The following ATP10B variants were observed in gnomAD, a reference collection of about 807,000 sequenced individuals.
ATP10B encodes the protein phospholipid-transporting ATPase VB.
Under a neutral mutation model 141.2 loss-of-function variants are expected in ATP10B, and 122 were observed. The observed-to-expected ratio is 0.86, with a 90% CI of 0.75 to 1.00. ATP10B has a LOEUF of 1.00. Ranked by LOEUF, ATP10B falls within the 50% of genes least tolerant of loss-of-function variation. The probability of loss-of-function intolerance (pLI) is 0.00; values close to 1 mark genes in which losing one functional copy is unlikely to be tolerated. For missense variants in ATP10B, 1,876 were observed against 1,825.3 expected (o/e 1.03, Z -0.51); for synonymous variants, 685 against 692.0 (o/e 0.99, Z 0.16).
At chr5:160,685,449 C>CA in intron 6 of ATP10B, 1 of 381,748 alleles carries the variant, frequency 2.6e-6, no homozygotes, top group Non-Finnish European at 4.6e-6. Flanking sequence ...GGAATGTAGA[C>CA]GTCACCTACA....
At chr5:160,706,727 T>C (rs73798524) in intron 3 of ATP10B, among the ~76,000 whole-genome samples, 2,644 of 152,304 alleles carry the variant, frequency 0.017, 77 homozygotes, top group African/African-American at 0.06. Flanking sequence ...CCAAGATACA[T>C]TGGTCAAAAA....
intron 2 of ATP10B, among the ~76,000 whole-genome samples, chr5:160,763,662 C>G (rs2127843658): frequency 6.6e-6 from 1 of 151,998 alleles, no homozygotes; most frequent in East Asian, 1.9e-4. Flanking sequence ...ACCAGAGAAA[C>G]AAGAACAAAC....
At chr5:160,638,038 A>T (rs1759547271) in intron 10 of ATP10B, among the ~76,000 whole-genome samples, 1 of 152,204 alleles carries the variant, frequency 6.6e-6, no homozygotes, top group African/African-American at 2.4e-5. Context: ...CACGTGTTGG[A>T]TGGTCAGGAG....
chr5:160,809,988 C>A (rs542494003), intron 1 of ATP10B, among the ~76,000 whole-genome samples: 3 of 151,988 alleles, frequency 2.0e-5, no homozygotes, highest in Non-Finnish European at 2.9e-5. Context: ...GGTCAGGTAA[C>A]CTAAAGCTTT....
intron 6 of ATP10B, among the ~76,000 whole-genome samples, chr5:160,671,969 CTTTTTTTT>C (rs70990741): frequency 8.8e-5 from 6 of 68,388 alleles, no homozygotes; most frequent in East Asian, 9.6e-4. Flanking sequence ...GCAATGCATC[CTTTTTTTT>C]TTTTTTTTTT....
rs116413543 is a variant in ATP10B, at chr5:160,812,338, C to G, written c.-575-26535G>C. On this transcript the variant is annotated intron_variant, in intron 1 of 25. Transcript: ENST00000327245. ...TTGTGAAGCTATAATAAATACTTAA[C>G]TATTTAATTAAGAGACAGATGAAGA... 7.0e-3 allele frequency among the ~76,000 whole-genome samples: 1,067 copies of G among 152,198 alleles called. 18 individuals carry two copies. Among genetic ancestry groups the G allele is most frequent in the African/African-American group, 0.024 (1,006 of 41,510 alleles).
At chr5:160,687,144 C>T (rs1763804700) in intron 5 of ATP10B, 1 of 156,814 alleles carries the variant, frequency 6.4e-6, no homozygotes, top group African/African-American at 2.4e-5. Flanking sequence ...TTATTATTCA[C>T]TATAATAGCA....
chr5:160,878,197 G>A, the ATP10B span, among the ~76,000 whole-genome samples: 10 of 150,504 alleles, frequency 6.6e-5, no homozygotes, highest in Admixed American at 1.3e-4. Context: ...ATAGATCAAT[G>A]GAACAGAACA....
intron 1 of ATP10B, among the ~76,000 whole-genome samples, chr5:160,849,450 C>T (rs1459510552): frequency 8.5e-5 from 13 of 152,096 alleles, no homozygotes; most frequent in Non-Finnish European, 1.2e-4. Flanking sequence ...TCACTAATAA[C>T]GAAAGCAGAA....
In ATP10B at chr5:160,632,294, G is replaced by C. The variant is rs779180861; in HGVS notation, c.1455C>G (p.Phe485Leu). 3 of 1,614,194 alleles carry C rather than the reference G, an allele frequency of 1.9e-6. No individual in the cohort carries two copies. In the South Asian group the frequency reaches 3.3e-5, roughly 18 times the overall value. ...CTGGATCCTGGGCCCATCTAGCCGA[G>C]AAGGACAGGCATTGGTATTGGGTCC... ...EEWTQYQCLSFSARWAQDPAT... is the reference protein window; with the variant it reads ...EEWTQYQCLSLSARWAQDPAT... The change falls in exon 13 of 26, where the codon TTC (phenylalanine) becomes TTG (leucine). Residue 485 changes from phenylalanine (F) to leucine (L), a missense_variant. By Grantham distance (22) the Phe-to-Leu change is conservative. Transcript: ENST00000327245.
At chr5:160,649,013 AG>A (rs1373309411) in intron 8 of ATP10B, among the ~76,000 whole-genome samples, 157 bp downstream of exon 8, 1 of 151,630 alleles carries the variant, frequency 6.6e-6, no homozygotes, top group Non-Finnish European at 1.5e-5. Flanking sequence ...AAATAGAAAA[AG>A]TTTCCCAATT....
At chr5:160,847,623 T>G (rs1776208588) in intron 1 of ATP10B, among the ~76,000 whole-genome samples, 1 of 152,208 alleles carries the variant, frequency 6.6e-6, no homozygotes, top group African/African-American at 2.4e-5. Context: ...GAATAAGTAG[T>G]CGAGAAATTC....
At chr5:160,917,448 G>T in the ATP10B span, among the ~76,000 whole-genome samples, 5 of 152,068 alleles carry the variant, frequency 3.3e-5, no homozygotes, top group South Asian at 2.1e-4. Flanking sequence ...GCAACAGAAG[G>T]CTTTCTAGGA....
intron 7 of ATP10B, among the ~76,000 whole-genome samples, chr5:160,667,682 GTCTATAGCACCGGAGTGTGAATGAC>G (rs1762405715): frequency 6.6e-6 from 1 of 152,124 alleles, no homozygotes; most frequent in Non-Finnish European, 1.5e-5. Context: ...AAATAGGCTG[GTCTATAGCACCGGAGTGTGAATGAC>G]CCTTTTACCT....
At chr5:160,756,674 C>T (rs1768636281) in intron 2 of ATP10B, among the ~76,000 whole-genome samples, 1 of 150,988 alleles carries the variant, frequency 6.6e-6, no homozygotes, top group Non-Finnish European at 1.5e-5. Flanking sequence ...TTTGATGTGT[C>T]TGTTCAAATC....
At position 160,721,350 on chromosome 5, in the gene ATP10B, A is replaced by C. The variant is rs73314444; in HGVS notation, c.-330-4316T>G. Among the ~76,000 whole-genome samples the C allele has an allele frequency of 3.5e-3, 533 of 152,294 alleles. 6 individuals carry two copies. Among genetic ancestry groups the C allele is most frequent in the African/African-American group, 0.012 (514 of 41,554 alleles). On this transcript the variant is annotated intron_variant, in intron 2 of 25. Coordinates refer to ENST00000327245, the MANE Select transcript of ATP10B (RefSeq NM_025153.3). ...GCTAGATATCTAGTACTGCCACATC[A>C]GGGCTAATGCTCTCACTTTTGCCTC...
At chr5:160,723,094 C>T (rs959173454) in intron 2 of ATP10B, among the ~76,000 whole-genome samples, 6 of 152,204 alleles carry the variant, frequency 3.9e-5, no homozygotes, top group Non-Finnish European at 7.3e-5. Flanking sequence ...ACCACATTTT[C>T]TAAGTCACAA....
At chr5:160,585,752 T>A (rs1162459179) in intron 24 of ATP10B, among the ~76,000 whole-genome samples, 1 of 152,180 alleles carries the variant, frequency 6.6e-6, no homozygotes, top group African/African-American at 2.4e-5. Flanking sequence ...AGAGTCCCCA[T>A]TGCCATGATC....
intron 2 of ATP10B, among the ~76,000 whole-genome samples, chr5:160,753,270 A>C (rs943862288): frequency 1.3e-5 from 2 of 152,192 alleles, no homozygotes; most frequent in Admixed American, 1.3e-4. Flanking sequence ...TCAGTATGAT[A>C]AGTTTAAATC....
Sources: allele counts gnomAD v4.1 joint callset (sites outside exome capture counted in the v4.1 genomes callset), GRCh38; gene constraint gnomAD v4.1.1; transcripts MANE v1.5; gene names NCBI Gene and HGNC (gene_info 2026-07-23, HGNC 2026-07-21).